The following CTTNBP2 variants were observed in gnomAD, a reference collection of about 807,000 sequenced individuals.
The protein encoded by CTTNBP2 is cortactin binding protein 2, also known as cortactin-binding protein 2.
A neutral mutation model predicts 156.9 loss-of-function variants in CTTNBP2; 108 were observed. That is an observed-to-expected ratio of 0.69 (90% confidence interval 0.59 to 0.81). The LOEUF is 0.81. CTTNBP2 is among the 30% of genes least tolerant of loss of function. The pLI, the probability that CTTNBP2 is intolerant of heterozygous loss-of-function variation, is 0.00. For missense variants in CTTNBP2, 1,924 were observed against 2,035.4 expected (o/e 0.95, Z 1.05); for synonymous variants, 767 against 751.8 (o/e 1.02, Z -0.33).
chr7:117,856,596 AAAT>A (rs1035814783), intron 2 of CTTNBP2, among the ~76,000 whole-genome samples: 23 of 152,352 alleles, frequency 1.5e-4, no homozygotes, highest in African/African-American at 5.5e-4. Context: ...GTTTCAATGC[AAAT>A]AATAATTTAA....
At chr7:117,717,433 A>G (rs1477594565) in intron 22 of CTTNBP2, among the ~76,000 whole-genome samples, 1 of 151,636 alleles carries the variant, frequency 6.6e-6, no homozygotes, top group Non-Finnish European at 1.5e-5. Context: ...AACCAAGATG[A>G]CAGTTTTGTT....
Position 117,782,844 on chromosome 7 carries a change from GAATT to G in CTTNBP2, c.2372+14_2372+17del, listed in dbSNP as rs1262232349. ...GGCTCCTTTGATGGTGGGAAAAAAA[GAATT>G]AAGAGCAACTTACTCGAAATGTCCC... On this transcript the variant is annotated intron_variant, in intron 6 of 22. Transcript: ENST00000160373. 1 of 1,585,588 alleles carries G rather than the reference GAATT, an allele frequency of 6.3e-7. No individual in the cohort carries two copies. Among genetic ancestry groups the G allele is most frequent in the African/African-American group, 1.4e-5 (1 of 73,888 alleles).
Position 117,720,942 on chromosome 7 carries a change from A to C in CTTNBP2, c.4511+125T>G, listed in dbSNP as rs1794755379. 9.7e-6 allele frequency: 7 copies of C among 722,102 alleles called. No homozygotes were observed. The Admixed American group carries it at 1.6e-4, about 17-fold the overall frequency. 44.7% of individuals were successfully genotyped at this position (722,102 alleles called of 1,614,324 possible). On this transcript the variant is annotated intron_variant, in intron 20 of 22. Transcript: ENST00000160373. Reference sequence around the variant, plus strand: ...ATATCAGCATTTGAATGACATATATAACTTTTTTAAAACCATATTAACATA... The same window carrying C: ...ATATCAGCATTTGAATGACATATATCACTTTTTTAAAACCATATTAACATA...
At chr7:117,759,919 T>C (rs1283159580) in intron 10 of CTTNBP2, among the ~76,000 whole-genome samples, 53 of 152,212 alleles carry the variant, frequency 3.5e-4, no homozygotes. Context: ...CCTTGGAATC[T>C]GTTTTGTGCT....
chr7:117,786,706 C>T (rs1412262310), intron 4 of CTTNBP2, among the ~76,000 whole-genome samples: 1 of 151,988 alleles, frequency 6.6e-6, no homozygotes, highest in East Asian at 1.9e-4. Flanking sequence ...GTTTGCTATT[C>T]TTTTGGGTTT....
At chr7:117,821,103 A>G (rs938766443) in intron 2 of CTTNBP2, among the ~76,000 whole-genome samples, 1 of 152,164 alleles carries the variant, frequency 6.6e-6, no homozygotes, top group Admixed American at 6.5e-5. Context: ...CACATTTTAT[A>G]AATTCCTTTT....
At chr7:117,853,437 C>T (rs969886391) in intron 2 of CTTNBP2, among the ~76,000 whole-genome samples, 5 of 152,014 alleles carry the variant, frequency 3.3e-5, no homozygotes, top group African/African-American at 1.2e-4. Context: ...TGCATTAGAC[C>T]CTTGTTTCCT....
chr7:117,799,754 A>T (rs1799514488), intron 3 of CTTNBP2, among the ~76,000 whole-genome samples: 1 of 152,092 alleles, frequency 6.6e-6, no homozygotes, highest in Non-Finnish European at 1.5e-5. Flanking sequence ...TTATATTTTT[A>T]ACCTAGAAAA....
intron 3 of CTTNBP2, 131 bp downstream of exon 3, chr7:117,810,634 C>G: frequency 1.4e-6 from 1 of 718,858 alleles, no homozygotes. Flanking sequence ...AATCTGTCAG[C>G]CTCTTGCACT....
chr7:117,810,838 A>G lies in CTTNBP2; in HGVS notation c.341T>C (p.Val114Ala). The change falls in exon 3 of 23, where the codon GTC (valine) becomes GCC (alanine). Residue 114 changes from valine to alanine, a missense_variant. Physicochemically the swap from Val to Ala is moderately conservative, Grantham distance 64. Coordinates refer to ENST00000160373, the MANE Select transcript of CTTNBP2 (RefSeq NM_033427.3). ...TTGCATTTTCTTGCAGTGGGCCATG[A>G]CTGCTTCAAGGATGGAGAGGGGGTT... ...CTNPLSILEA[V>A]MAHCKKMQER... The G allele has an allele frequency of 6.2e-7, 1 of 1,614,018 alleles. No individual in the cohort carries two copies. The highest frequency in any genetic ancestry group is 1.1e-5 in the South Asian group (1 of 91,076).
At chr7:117,784,584 C>T in intron 4 of CTTNBP2, 130 bp from the exon 5 acceptor site, 1 of 565,510 alleles carries the variant, frequency 1.8e-6, no homozygotes, top group Non-Finnish European at 3.0e-6. Context: ...TGGTTTCTAA[C>T]ATTATCAATC....
In CTTNBP2 at chr7:117,735,374, T is replaced by G; in HGVS notation, c.3583A>C (p.Ile1195Leu). 2 of 1,613,616 alleles carry G rather than the reference T, an allele frequency of 1.2e-6. No individual in the cohort carries two copies. The highest frequency in any genetic ancestry group is 1.1e-5 in the South Asian group (1 of 91,026). Residue 1195 changes from isoleucine to leucine, a missense_variant, in exon 15 of 23, where the codon ATC (isoleucine) becomes CTC (leucine). Ile to Leu is a conservative substitution (Grantham distance 5). Coordinates refer to ENST00000160373, the MANE Select transcript of CTTNBP2 (RefSeq NM_033427.3). ...KQSPSKKKII[I>L]ILENLEKSSL... The stretch of plus-strand genomic sequence containing the variant: ...GATTTTTCTAAATTTTCTAAAATGA[T>G]GATGATTTTCTTCTTACTGGGAGAT...
intron 4 of CTTNBP2, among the ~76,000 whole-genome samples, chr7:117,789,786 C>T (rs910867166): frequency 6.6e-6 from 1 of 152,108 alleles, no homozygotes; most frequent in Non-Finnish European, 1.5e-5. Flanking sequence ...TAACAGCCAC[C>T]CTCCCCCATA....
At chr7:117,809,022 G>A (rs1800109548) in intron 3 of CTTNBP2, among the ~76,000 whole-genome samples, 1 of 152,180 alleles carries the variant, frequency 6.6e-6, no homozygotes, top group African/African-American at 2.4e-5. Flanking sequence ...AGCCAATGAA[G>A]TTGGCTATAA....
chr7:117,870,175 G>C (rs143587385), intron 1 of CTTNBP2, among the ~76,000 whole-genome samples: 246 of 152,248 alleles, frequency 1.6e-3, no homozygotes, highest in Non-Finnish European at 2.7e-3. Context: ...ATTCCTTGGC[G>C]TATGTCAGTT....
chr7:117,857,570 T>C (rs1241272044), intron 2 of CTTNBP2, among the ~76,000 whole-genome samples: 5 of 152,214 alleles, frequency 3.3e-5, no homozygotes, highest in Non-Finnish European at 7.3e-5. Context: ...CTAAAGAATT[T>C]GTCTCACAAC....
intron 22 of CTTNBP2, among the ~76,000 whole-genome samples, chr7:117,714,752 T>C (rs1794247638): frequency 6.6e-6 from 1 of 152,188 alleles, no homozygotes; most frequent in South Asian, 2.1e-4. Context: ...GAGAATCACT[T>C]GGGCTTAGCG....
intron 2 of CTTNBP2, among the ~76,000 whole-genome samples, chr7:117,837,095 G>A (rs565636973): frequency 9.8e-5 from 15 of 152,292 alleles, no homozygotes; most frequent in East Asian, 5.8e-4. Context: ...GACAAGGAGC[G>A]TGAGACTGAG....
chr7:117,838,958 T>C (rs2117120639), intron 2 of CTTNBP2, among the ~76,000 whole-genome samples: 2 of 64,008 alleles, frequency 3.1e-5, no homozygotes, highest in East Asian at 5.9e-4. Flanking sequence ...TATAGTAACA[T>C]TGCGGGGGCG....
Sources: gnomAD v4.1 joint callset for allele counts (sites outside exome capture counted in the v4.1 genomes callset) on GRCh38, gnomAD v4.1.1 for gene constraint, MANE v1.5 for transcripts, NCBI Gene and HGNC (gene_info 2026-07-23, HGNC 2026-07-21) for gene names.